The following RAPGEF4 variants were observed in gnomAD, a reference collection of about 807,000 sequenced individuals.
RAPGEF4 encodes the protein RAP guanine-nucleotide-exchange factor (GEF) 4.
RAPGEF4 carries 66 observed loss-of-function variants against 147.9 expected under a neutral mutation model. That is an observed-to-expected ratio of 0.45 (90% CI 0.37 to 0.55). The LOEUF (loss-of-function observed/expected upper bound fraction) is 0.55, where lower values mean the gene tolerates loss of function less well. Ranked by LOEUF, RAPGEF4 falls within the 20% of genes least tolerant of loss-of-function variation. The pLI is 0.00. For missense variants in RAPGEF4, 1,071 were observed against 1,257.3 expected (o/e 0.85, Z 2.24); for synonymous variants, 419 against 442.7 (o/e 0.95, Z 0.67).
At chr2:172,859,508 A>G (rs1445817926) in intron 4 of RAPGEF4, among the ~76,000 whole-genome samples, 2 of 152,258 alleles carry the variant, frequency 1.3e-5, no homozygotes, top group Admixed American at 6.5e-5. Flanking sequence ...GCAGGTTGCA[A>G]CAAGGTTAAT....
intron 10 of RAPGEF4, 52 bp from the exon 11 acceptor site, chr2:172,983,444 G>C: frequency 6.4e-7 from 1 of 1,569,002 alleles, no homozygotes. Context: ...CATGTTTGAG[G>C]CCCTAGTGAT....
chr2:172,825,936 A>G (rs1689621223), intron 4 of RAPGEF4, among the ~76,000 whole-genome samples: 1 of 152,272 alleles, frequency 6.6e-6, no homozygotes, highest in African/African-American at 2.4e-5. Flanking sequence ...TCAAAAATTT[A>G]TTAAATATTC....
At position 172,959,250 on chromosome 2, in the gene RAPGEF4, G is replaced by A. The variant is rs563346945; in HGVS notation, c.538-1510G>A. Among the ~76,000 whole-genome samples, 4 of 152,344 alleles carry A rather than the reference G, an allele frequency of 2.6e-5. No homozygotes were observed. In the South Asian group the frequency reaches 8.3e-4, roughly 32 times the overall value. ...CTGCGTTCATCTGGAAGTTCTAGGG[G>A]AAATCTCTTTTGTTTGTTTTTCTCC... is the stretch of plus-strand genomic sequence containing the variant. On this transcript the variant is annotated intron_variant, in intron 6 of 30. Transcript: ENST00000397081.
At chr2:172,873,459 A>G (rs1206206420) in intron 4 of RAPGEF4, among the ~76,000 whole-genome samples, 2 of 152,228 alleles carry the variant, frequency 1.3e-5, no homozygotes, top group Non-Finnish European at 2.9e-5. Context: ...AGGATACAAG[A>G]GCAACTCTAG....
At chr2:172,821,606 C>T (rs943835096) in intron 4 of RAPGEF4, 32 of 999,332 alleles carry the variant, frequency 3.2e-5, no homozygotes, top group Non-Finnish European at 3.1e-5. Flanking sequence ...CAAGCGGAAG[C>T]CTGCTTCGAT....
chr2:172,940,051 C>A (rs1686994991), intron 6 of RAPGEF4, among the ~76,000 whole-genome samples: 1 of 151,942 alleles, frequency 6.6e-6, no homozygotes, highest in African/African-American at 2.4e-5. Context: ...TCAGACTTTC[C>A]TAGTTTTTGG....
At chr2:173,051,386 A>AT (rs59037995) in intron 30 of RAPGEF4, among the ~76,000 whole-genome samples, 30,266 of 149,950 alleles carry the variant, frequency 0.2, 3,109 homozygotes, top group South Asian at 0.3. Context: ...ATTTGGTGCC[A>AT]TTTTTTTTTT....
chr2:172,947,515 G>A (rs28690928), intron 6 of RAPGEF4, among the ~76,000 whole-genome samples: 1,653 of 152,180 alleles, frequency 0.011, 26 homozygotes, highest in African/African-American at 0.037. Context: ...TCCCCTCTGT[G>A]GAGGTCGGTG....
chr2:173,034,797 C>T (rs1683715797), intron 27 of RAPGEF4, among the ~76,000 whole-genome samples: 1 of 151,198 alleles, frequency 6.6e-6, no homozygotes. Context: ...TCGCTTGAGC[C>T]AGGAGGTGGC....
At chr2:172,861,418 G>T (rs1360698480) in intron 4 of RAPGEF4, among the ~76,000 whole-genome samples, 3 of 152,214 alleles carry the variant, frequency 2.0e-5, no homozygotes, top group African/African-American at 7.2e-5. Context: ...TGGTTAGAGG[G>T]AGGGAAAAGG....
chr2:172,919,246 G>A (rs927063609), intron 5 of RAPGEF4, among the ~76,000 whole-genome samples: 1 of 152,134 alleles, frequency 6.6e-6, no homozygotes, highest in African/African-American at 2.4e-5. Context: ...GTGAATCAAA[G>A]TATGTTGTTT....
chr2:172,865,164 T>C (rs939377492), intron 4 of RAPGEF4, among the ~76,000 whole-genome samples: 5 of 152,182 alleles, frequency 3.3e-5, no homozygotes, highest in African/African-American at 1.2e-4. Flanking sequence ...CCAACCTCAC[T>C]GGACCCCTCG....
At chr2:172,748,576 C>A (rs1225195481) in intron 1 of RAPGEF4, among the ~76,000 whole-genome samples, 1 of 152,178 alleles carries the variant, frequency 6.6e-6, no homozygotes, top group Non-Finnish European at 1.5e-5. Flanking sequence ...CCTCCCACAA[C>A]ACAAGGGAAT....
At chr2:172,914,507 G>A (rs530324830) in intron 4 of RAPGEF4, among the ~76,000 whole-genome samples, 1 of 150,956 alleles carries the variant, frequency 6.6e-6, no homozygotes, top group South Asian at 2.1e-4. Context: ...CCGGAAATAT[G>A]CATTTTAAAA....
intron 4 of RAPGEF4, among the ~76,000 whole-genome samples, chr2:172,852,362 A>T (rs1692949572): frequency 6.6e-6 from 1 of 152,190 alleles, no homozygotes; most frequent in African/African-American, 2.4e-5. Flanking sequence ...ATTGTCAATA[A>T]GTTGATCCGA....
chr2:172,931,971 A>C, intron 6 of RAPGEF4, among the ~76,000 whole-genome samples: 3 of 149,952 alleles, frequency 2.0e-5, no homozygotes, highest in South Asian at 2.1e-4. Context: ...ACACCCCTTG[A>C]CTCCCATGCG....
Position 172,960,832 on chromosome 2 carries a change from G to A in RAPGEF4, c.591+19G>A, listed in dbSNP as rs770706636. ...TACCAAGGTAATGGGATGTAGGTGG[G>A]TTGATGAGCCATTGAGCTAGCTTCT... On this transcript the variant is annotated intron_variant, in intron 7 of 30. Coordinates refer to ENST00000397081, the MANE Select transcript of RAPGEF4 (RefSeq NM_007023.4). 1 of 1,585,096 alleles carries A rather than the reference G, an allele frequency of 6.3e-7. No homozygotes were observed. Among genetic ancestry groups the A allele is most frequent in the Non-Finnish European group, 8.6e-7 (1 of 1,161,354 alleles).
intron 6 of RAPGEF4, among the ~76,000 whole-genome samples, chr2:172,945,943 C>T (rs1687634072): frequency 6.6e-6 from 1 of 152,136 alleles, no homozygotes; most frequent in African/African-American, 2.4e-5. Context: ...GAACCATAAT[C>T]CCTGGCCTGG....
chr2:172,949,380 G>A (rs1309765802), intron 6 of RAPGEF4, among the ~76,000 whole-genome samples: 2 of 152,150 alleles, frequency 1.3e-5, no homozygotes, highest in Non-Finnish European at 2.9e-5. Context: ...TGGAGATTCA[G>A]GAAATGCAGA....
Sources: allele counts gnomAD v4.1 joint callset (sites outside exome capture counted in the v4.1 genomes callset), GRCh38; gene constraint gnomAD v4.1.1; transcripts MANE v1.5; gene names NCBI Gene and HGNC (gene_info 2026-07-23, HGNC 2026-07-21).